The following ANXA1 variants were observed in gnomAD, a reference collection of about 807,000 sequenced individuals.
The protein encoded by ANXA1 is annexin A1, also known as annexin I (lipocortin I).
Under a neutral mutation model 47.9 loss-of-function variants are expected in ANXA1, and 39 were observed. The observed-to-expected ratio is 0.81, with a 90% CI of 0.63 to 1.06. The LOEUF (loss-of-function observed/expected upper bound fraction) is 1.06. ANXA1 is among the 50% of genes least tolerant of loss of function. The pLI is 0.00. For synonymous variants in ANXA1, 146 were observed against 142.5 expected (o/e 1.02, Z -0.17); for missense variants, 446 against 422.7 (o/e 1.06, Z -0.48).
chr9:73,166,710 C>T (rs1824235096), intron 10 of ANXA1, among the ~76,000 whole-genome samples: 1 of 152,116 alleles, frequency 6.6e-6, no homozygotes, highest in African/African-American at 2.4e-5. Flanking sequence ...CAGTGTTTCT[C>T]ATTCATGACT....
chr9:73,159,105 G>C (rs1035744491), intron 3 of ANXA1, among the ~76,000 whole-genome samples: 3 of 152,156 alleles, frequency 2.0e-5, no homozygotes, highest in African/African-American at 7.2e-5. Context: ...AACACTGAGG[G>C]CCAGGAAAAG....
rs188812633 is a variant in ANXA1, at chr9:73,161,896, G to A, written c.476-886G>A. Among the ~76,000 whole-genome samples, 147 of 152,142 alleles carry A rather than the reference G, an allele frequency of 9.7e-4. 1 individual carries two copies. Among genetic ancestry groups the A allele is most frequent in the Non-Finnish European group, 1.5e-3 (101 of 67,992 alleles). On this transcript the variant is annotated intron_variant, in intron 6 of 12. Transcript: ENST00000257497. ...GCCCAGTTTCAAGTTGTTTTAGTCC[G>A]TTTGTGTTGCTATAAAGAAATATCT... is the stretch of plus-strand genomic sequence containing the variant.
chr9:73,167,676 T>C (rs1431252066), intron 11 of ANXA1, 121 bp downstream of exon 11: 17 of 950,644 alleles, frequency 1.8e-5, no homozygotes, highest in Admixed American at 2.5e-5. Flanking sequence ...AGAATCATTG[T>C]TCTATTTGAT....
At chr9:73,156,814 C>A (rs1487060714) in intron 1 of ANXA1, among the ~76,000 whole-genome samples, 1 of 152,132 alleles carries the variant, frequency 6.6e-6, no homozygotes, top group Non-Finnish European at 1.5e-5. Flanking sequence ...AGAGTAGTCT[C>A]TAGAGGGGTG....
Position 73,166,304 on chromosome 9 carries a change from A to G in ANXA1, c.802+112A>G, listed in dbSNP as rs1295145995. On this transcript the variant is annotated intron_variant, in intron 10 of 12. Transcript: ENST00000257497. Reference sequence around the variant, plus strand: ...AAACCAATAAAAGAAAACAAAAAACAATCAGAAGTAGTGCATCTGTTTCAA... The same window carrying G: ...AAACCAATAAAAGAAAACAAAAAACGATCAGAAGTAGTGCATCTGTTTCAA... 4.1e-6 allele frequency: 3 copies of G among 734,056 alleles called. No homozygotes were observed. The African/African-American group carries it at 5.4e-5, about 13-fold the overall frequency. The allele number at this position is 734,056 out of a possible 1,614,324, so 45.5% of individuals were successfully genotyped here. A position where few individuals can be genotyped will look rare whatever the true frequency, so the allele number is the denominator to read the frequency against.
At chr9:73,156,529 T>C (rs1824051162) in intron 1 of ANXA1, among the ~76,000 whole-genome samples, 1 of 152,178 alleles carries the variant, frequency 6.6e-6, no homozygotes, top group Non-Finnish European at 1.5e-5. Flanking sequence ...AAGTATTGGT[T>C]CTTCTCACAG....
chr9:73,164,266 T>C (rs563697209), intron 8 of ANXA1, among the ~76,000 whole-genome samples: 2 of 152,290 alleles, frequency 1.3e-5, no homozygotes, highest in African/African-American at 4.8e-5. Flanking sequence ...ATGTACATAA[T>C]AGGCACTCAT....
Position 73,162,817 on chromosome 9 carries a change from G to GAC in ANXA1, c.515_516dup (p.Ser173HisfsTer23). The stretch of plus-strand genomic sequence containing the variant: ...AGATCTGGCCAAAGACATAACCTCA[G>GAC]ACACATCTGGAGATTTTCGGAACGC... On this transcript the variant is annotated frameshift_variant, in exon 7 of 13. Coordinates refer to ENST00000257497, the MANE Select transcript of ANXA1 (RefSeq NM_000700.3). LOFTEE classifies it high-confidence loss of function. The GAC allele has an allele frequency of 6.2e-7, 1 of 1,613,164 alleles. No homozygotes were observed. The highest frequency in any genetic ancestry group is 8.5e-7 in the Non-Finnish European group (1 of 1,179,490).
At chr9:73,165,456 A>ACTCC in intron 9 of ANXA1, 1 of 318,388 alleles carries the variant, frequency 3.1e-6, no homozygotes, top group Admixed American at 4.7e-5. Flanking sequence ...CACTGCTTTT[A>ACTCC]CTCCCCTAAA....
chr9:73,169,954 C>A, intron 12 of ANXA1, 97 bp from the exon 13 acceptor site: 1 of 796,256 alleles, frequency 1.3e-6, no homozygotes, highest in Non-Finnish European at 1.9e-6. Flanking sequence ...GTAATCTCAT[C>A]TACAGCTAAG....
At chr9:73,156,830 G>A (rs1824055379) in intron 1 of ANXA1, among the ~76,000 whole-genome samples, 1 of 152,150 alleles carries the variant, frequency 6.6e-6, no homozygotes, top group Non-Finnish European at 1.5e-5. Flanking sequence ...GGGTGAAACA[G>A]AATGGTGTAG....
intron 1 of ANXA1, chr9:73,154,248 A>G: frequency 7.8e-7 from 1 of 1,281,090 alleles, no homozygotes; most frequent in South Asian, 1.2e-5. Flanking sequence ...AAAACTATGC[A>G]CAAGGCCGTG....
chr9:73,163,623 T>G, intron 8 of ANXA1, 91 bp downstream of exon 8: 1 of 1,335,988 alleles, frequency 7.5e-7, no homozygotes, highest in South Asian at 1.2e-5. Flanking sequence ...AAATCTAAGA[T>G]CTTCTGAGAG....
At chr9:73,163,848 A>G (rs1399320323) in intron 8 of ANXA1, among the ~76,000 whole-genome samples, 1 of 152,202 alleles carries the variant, frequency 6.6e-6, no homozygotes, top group Non-Finnish European at 1.5e-5. Flanking sequence ...TAAGAAGGGG[A>G]AATGTAATTT....
intron 8 of ANXA1, among the ~76,000 whole-genome samples, chr9:73,164,910 C>T (rs1235578191): frequency 6.6e-6 from 1 of 152,100 alleles, no homozygotes; most frequent in East Asian, 1.9e-4. Context: ...CTAGTGTTTA[C>T]AAGGCACCTT....
intron 8 of ANXA1, among the ~76,000 whole-genome samples, 192 bp downstream of exon 8, chr9:73,163,724 A>C (rs1334185378): frequency 6.6e-6 from 1 of 152,180 alleles, no homozygotes; most frequent in South Asian, 2.1e-4. Context: ...AGTTTTCAAT[A>C]TCTCTCATTA....
At position 73,167,513 on chromosome 9, in the gene ANXA1, C is replaced by A. The variant is rs1293804111; in HGVS notation, c.819C>A (p.Ser273Arg). Residue 273 changes from serine to arginine, a missense_variant, in exon 11 of 13, where the codon AGC becomes AGA. By Grantham distance (110) the Ser-to-Arg change is moderately radical. Coordinates refer to ENST00000257497, the MANE Select transcript of ANXA1 (RefSeq NM_000700.3). ...CLTAIVKCAT[S>R]KPAFFAEKLH... is the part of the protein sequence containing the mutation. Reference sequence around the variant, plus strand: ...CTCTAACAGTGAAGTGCGCCACAAGCAAACCAGCTTTCTTTGCAGAGAAGC... The same window carrying A: ...CTCTAACAGTGAAGTGCGCCACAAGAAAACCAGCTTTCTTTGCAGAGAAGC... 6.2e-7 allele frequency: 1 copy of A among 1,613,288 alleles called. No homozygotes were observed. The highest frequency in any genetic ancestry group is 1.3e-5 in the African/African-American group (1 of 74,878).
chr9:73,154,539 A>G (rs950241028), intron 1 of ANXA1, among the ~76,000 whole-genome samples: 6 of 152,058 alleles, frequency 3.9e-5, no homozygotes, highest in African/African-American at 1.5e-4. Flanking sequence ...CCTGGGTTCA[A>G]GTGATTCTCC....
At chr9:73,157,954 C>T (rs2118142586) in intron 1 of ANXA1, 1 of 152,382 alleles carries the variant, frequency 6.6e-6, no homozygotes, top group East Asian at 1.9e-4. Context: ...ATTTCTCGCT[C>T]CAGCAAACTT....
Sources: gnomAD v4.1 joint callset for allele counts (sites outside exome capture counted in the v4.1 genomes callset) on GRCh38, gnomAD v4.1.1 for gene constraint, MANE v1.5 for transcripts, NCBI Gene and HGNC (gene_info 2026-07-23, HGNC 2026-07-21) for gene names.